TMC5: variants seen among roughly 807,000 people sequenced by gnomAD.
TMC5 encodes the protein transmembrane channel like 5.
Under a neutral mutation model 110.5 loss-of-function variants are expected in TMC5, and 86 were observed. That is an observed-to-expected ratio of 0.78 (90% CI 0.65 to 0.93). The LOEUF is 0.93. Among genes scored for constraint, TMC5 ranks in the 40% least tolerant of loss-of-function variants. TMC5 has a pLI of 0.00. For synonymous variants in TMC5, 455 were observed against 439.5 expected, an observed-to-expected ratio of 1.04 and a Z score of -0.44; for missense variants, 1,144 against 1,222.8, an observed-to-expected ratio of 0.94 and a Z score of 0.96.
intron 1 of TMC5, among the ~76,000 whole-genome samples, chr16:19,418,649 A>G (rs1300256271): frequency 1.3e-5 from 2 of 151,668 alleles, no homozygotes; most frequent in African/African-American, 2.4e-5. Context: ...AGAAACAATA[A>G]CTTCTCATTT....
At chr16:19,457,061 G>C (rs751196853) in intron 5 of TMC5, 9 of 1,513,090 alleles carry the variant, frequency 5.9e-6, no homozygotes, top group South Asian at 1.2e-5. Flanking sequence ...AGGAAAAAAG[G>C]CTTCCTCGTT....
At chr16:19,479,255 C>G (rs768426195) in intron 13 of TMC5, among the ~76,000 whole-genome samples, 176 bp from the exon 14 acceptor site, 5 of 152,142 alleles carry the variant, frequency 3.3e-5, no homozygotes, top group Non-Finnish European at 7.3e-5. Flanking sequence ...AACAACATCC[C>G]TGGGAACAAA....
Position 19,440,387 on chromosome 16 carries a change from C to G in TMC5, c.349C>G (p.Pro117Ala). The change falls in exon 3 of 22, where the codon CCC becomes GCC. Residue 117 changes from proline to alanine, a missense_variant. Physicochemically the swap from Pro to Ala is conservative, Grantham distance 27. Transcript: ENST00000542583. The stretch of plus-strand genomic sequence containing the variant: ...AGATTATAGTGAATTTCAGAGTCAT[C>G]CCTACCACCGAGCATCATCCAGACA... ...EPDYSEFQSH[P>A]YHRASSRQPD... 6.2e-7 allele frequency: 1 copy of G among 1,614,054 alleles called. No individual in the cohort carries two copies. Among genetic ancestry groups the G allele is most frequent in the Non-Finnish European group, 8.5e-7 (1 of 1,180,026 alleles).
At chr16:19,416,219 A>G (rs1966876543), upstream of TMC5, among the ~76,000 whole-genome samples, 1 of 151,796 alleles carries the variant, frequency 6.6e-6, no homozygotes, top group South Asian at 2.1e-4. Flanking sequence ...AACGGTAACT[A>G]TAGACCCCAA....
At chr16:19,471,963 G>A in intron 10 of TMC5, 125 bp from the exon 11 acceptor site, 1 of 926,810 alleles carries the variant, frequency 1.1e-6, no homozygotes, top group South Asian at 1.5e-5. Flanking sequence ...GTTTCACCAT[G>A]TTGTCCAGGC....
At chr16:19,480,020 A>C (rs1968579538) in intron 14 of TMC5, among the ~76,000 whole-genome samples, 1 of 152,158 alleles carries the variant, frequency 6.6e-6, no homozygotes, top group South Asian at 2.1e-4. Flanking sequence ...GATAATTTCA[A>C]TATTCTAGTA....
At position 19,444,190 on chromosome 16, in the gene TMC5, TC is replaced by T. The variant is rs1567305068; in HGVS notation, c.900del (p.Met301TrpfsTer20). On this transcript the variant is annotated frameshift_variant, in exon 4 of 22. Coordinates refer to ENST00000542583, the MANE Select transcript of TMC5 (RefSeq NM_001261841.2). LOFTEE classifies it high-confidence loss of function. ...TTACCCTGAAGGCATTGAAATGGCA[TC>T]CATGGAGATGGCAAACTCATATGGC... ...NDYPEGIEMA[S>X]MEMANSYGHS... The T allele has an allele frequency of 1.1e-5, 17 of 1,614,046 alleles. No individual in the cohort carries two copies. Among genetic ancestry groups the T allele is most frequent in the Middle Eastern group, 1.7e-4 (1 of 6,004 alleles).
Position 19,444,065 on chromosome 16 carries a change from T to A in TMC5, c.789-16T>A, listed in dbSNP as rs750920268. On this transcript the variant is annotated splice_polypyrimidine_tract_variant and intron_variant, in intron 3 of 21. Coordinates refer to ENST00000542583, the MANE Select transcript of TMC5 (RefSeq NM_001261841.2). ...ATACTCTTGGTTGGATAGTGATCCA[T>A]CATTTTGGATTTTAGGGTGCTCAGC... is the stretch of plus-strand genomic sequence containing the variant. The A allele has an allele frequency of 2.0e-5, 32 of 1,610,252 alleles. No homozygotes were observed. In the South Asian group the frequency reaches 3.5e-4, roughly 18 times the overall value.
intron 5 of TMC5, among the ~76,000 whole-genome samples, chr16:19,458,959 T>C (rs943358818): frequency 6.6e-6 from 1 of 152,012 alleles, no homozygotes; most frequent in African/African-American, 2.4e-5. Context: ...GCTTCTTTGC[T>C]ACAGGATAGC....
At chr16:19,441,920 C>T (rs1967499451) in intron 3 of TMC5, among the ~76,000 whole-genome samples, 1 of 152,200 alleles carries the variant, frequency 6.6e-6, no homozygotes, top group East Asian at 1.9e-4. Flanking sequence ...TCTCCTACCT[C>T]AGTCTCCTGA....
At chr16:19,410,690 T>C (rs1966853641), upstream of TMC5, 1 of 152,290 alleles carries the variant, frequency 6.6e-6, no homozygotes, top group African/African-American at 2.4e-5. Flanking sequence ...CCGGCTCCGG[T>C]GCAGGGAGCG....
At chr16:19,443,697 AATGGATGGATAC>A (rs1177464281) in intron 3 of TMC5, among the ~76,000 whole-genome samples, 1 of 152,090 alleles carries the variant, frequency 6.6e-6, no homozygotes, top group Non-Finnish European at 1.5e-5. Context: ...TACATTAATG[AATGGATGGATAC>A]ATGGATGGAT....
intron 10 of TMC5, among the ~76,000 whole-genome samples, chr16:19,471,760 A>G (rs1421469996): frequency 6.6e-6 from 1 of 151,594 alleles, no homozygotes; most frequent in Non-Finnish European, 1.5e-5. Context: ...TTATTTGTTT[A>G]TTTATTTATT....
intron 5 of TMC5, chr16:19,456,720 A>C: frequency 6.2e-7 from 1 of 1,609,144 alleles, no homozygotes; most frequent in Non-Finnish European, 8.5e-7. Flanking sequence ...CTGTCCGATG[A>C]CCACGTGAAT....
intron 15 of TMC5, 124 bp from the exon 16 acceptor site, chr16:19,486,821 T>C (rs1968754290): frequency 5.0e-6 from 4 of 797,376 alleles, no homozygotes; most frequent in South Asian, 1.7e-5. Context: ...CCTCAATATA[T>C]GGATTTTGGG....
At chr16:19,490,133 A>G (rs1020046952) in intron 17 of TMC5, among the ~76,000 whole-genome samples, 9 of 152,090 alleles carry the variant, frequency 5.9e-5, no homozygotes, top group African/African-American at 2.2e-4. Flanking sequence ...CATTCATATC[A>G]TTGAGCCAAG....
Position 19,463,946 on chromosome 16 carries a change from C to T in TMC5, c.1407C>T (p.Ser469=). The T allele has an allele frequency of 1.2e-6, 2 of 1,614,180 alleles. No individual in the cohort carries two copies. Among genetic ancestry groups the T allele is most frequent in the Non-Finnish European group, 1.7e-6 (2 of 1,180,030 alleles). ...TTTTCTCATTCATCCTGAACTTCAG[C>T]TTCATCATAATCCCTCAGTTTACCG... The part of the protein sequence containing the change: ...FNIFSFILNF[S]FIIIPQFTVA... Residue 469 remains serine, a synonymous_variant, in exon 8 of 22, where the codon AGC becomes AGT. Coordinates refer to ENST00000542583, the MANE Select transcript of TMC5 (RefSeq NM_001261841.2).
intron 11 of TMC5, 51 bp from the exon 12 acceptor site, chr16:19,474,074 A>G: frequency 1.9e-6 from 3 of 1,547,198 alleles, no homozygotes; most frequent in Non-Finnish European, 2.6e-6. Context: ...TGAAGCAGAA[A>G]GGGGTACAGT....
intron 2 of TMC5, among the ~76,000 whole-genome samples, chr16:19,433,057 C>T (rs557305817): frequency 1.8e-4 from 28 of 152,070 alleles, no homozygotes; most frequent in Middle Eastern, 3.2e-3. Context: ...TATATACATA[C>T]ATACATATAT....
Sources: gnomAD v4.1 joint callset for allele counts (sites outside exome capture counted in the v4.1 genomes callset) on GRCh38, gnomAD v4.1.1 for gene constraint, MANE v1.5 for transcripts, NCBI Gene and HGNC (gene_info 2026-07-23, HGNC 2026-07-21) for gene names.